The following CLCN3 variants were observed in gnomAD, a reference collection of about 807,000 sequenced individuals.
The protein encoded by CLCN3 is Cl-/H+ antiporter 3, also known as H(+)/Cl(-) exchange transporter 3.
In CLCN3, 16 loss-of-function variants were observed where a neutral mutation model predicts 83.4. The ratio of observed to expected loss-of-function variants is 0.19; its 90% CI spans 0.13 to 0.29. The LOEUF is 0.29. Ranked by LOEUF, CLCN3 falls within the 10% of genes least tolerant of loss-of-function variation. The probability of loss-of-function intolerance (pLI) is 1.00; values close to 1 mark genes in which losing one functional copy is unlikely to be tolerated. For missense variants in CLCN3, 544 were observed against 1,006.0 expected, an observed-to-expected ratio of 0.54 and a Z score of 6.21; for synonymous variants, 322 against 346.2, an observed-to-expected ratio of 0.93 and a Z score of 0.78.
intron 2 of CLCN3, among the ~76,000 whole-genome samples, chr4:169,640,974 C>G (rs535737496): frequency 6.6e-6 from 1 of 152,248 alleles, no homozygotes; most frequent in African/African-American, 2.4e-5. Context: ...GTTTACTTGA[C>G]AACATCAAGG....
chr4:169,650,746 AAT>A (rs1730708767), intron 2 of CLCN3, among the ~76,000 whole-genome samples: 4 of 152,210 alleles, frequency 2.6e-5, no homozygotes, highest in Non-Finnish European at 5.9e-5. Flanking sequence ...TCATGTTCTT[AAT>A]ACATTTGACA....
chr4:169,671,840 A>G (rs1354050773), intron 2 of CLCN3, among the ~76,000 whole-genome samples: 1 of 152,092 alleles, frequency 6.6e-6, no homozygotes, highest in African/African-American at 2.4e-5. Context: ...CAGCTCTACT[A>G]CTGTCTTCAC....
At chr4:169,664,353 T>C (rs1268748916) in intron 2 of CLCN3, among the ~76,000 whole-genome samples, 4 of 152,230 alleles carry the variant, frequency 2.6e-5, no homozygotes, top group Non-Finnish European at 4.4e-5. Flanking sequence ...GTTTCTATTA[T>C]AATAGAGGTT....
At chr4:169,676,650 A>ATTT (rs557077180) in intron 2 of CLCN3, among the ~76,000 whole-genome samples, 6 of 128,246 alleles carry the variant, frequency 4.7e-5, no homozygotes, top group South Asian at 2.5e-4. Context: ...CATGCCCAGC[A>ATTT]TTTTTTTTTT....
chr4:169,673,335 C>G (rs1035698679), intron 2 of CLCN3, among the ~76,000 whole-genome samples: 5 of 152,216 alleles, frequency 3.3e-5, no homozygotes, highest in African/African-American at 1.2e-4. Context: ...TTGAAAGTCA[C>G]TGAAAGCAAG....
intron 2 of CLCN3, among the ~76,000 whole-genome samples, chr4:169,669,431 G>A (rs1197538834): frequency 1.3e-5 from 2 of 152,164 alleles, no homozygotes; most frequent in South Asian, 2.1e-4. Flanking sequence ...TGAGGCTACA[G>A]TGAGCTATGT....
chr4:169,689,132 G>A lies in CLCN3; in HGVS notation c.508G>A (p.Glu170Lys), dbSNP rs771029683. The change falls in exon 5 of 13, where the codon GAA (glutamate) becomes AAA (lysine). Residue 170 changes from glutamate to lysine, a missense_variant. Physicochemically the swap from Glu to Lys is moderately conservative, Grantham distance 56 (BLOSUM62 1). This residue lies in a region of CLCN3 where 96 missense variants were observed against 202.1 expected (regional missense o/e 0.48). Coordinates refer to ENST00000513761, the MANE Select transcript of CLCN3 (RefSeq NM_001829.4). Reference sequence around the variant, plus strand: ...CCTTAGTGCGTTGTGGTACAACCACGAACAGTGCTGTTGGGGATCTAATGA... The same window carrying A: ...CCTTAGTGCGTTGTGGTACAACCACAAACAGTGCTGTTGGGGATCTAATGA... ...ICLSALWYNH[E>K]QCCWGSNETT... 7 of 1,613,722 alleles carry A rather than the reference G, an allele frequency of 4.3e-6. No individual in the cohort carries two copies. The highest frequency in any genetic ancestry group is 2.7e-5 in the African/African-American group (2 of 74,894).
intron 2 of CLCN3, chr4:169,660,300 A>C: frequency 7.5e-7 from 1 of 1,327,038 alleles, no homozygotes; most frequent in Non-Finnish European, 9.6e-7. Context: ...GATGGAAGAA[A>C]TGTCACTTTC....
chr4:169,719,805 C>G (rs1357704908), intron 12 of CLCN3, 102 bp from the exon 13 acceptor site: 10 of 835,292 alleles, frequency 1.2e-5, no homozygotes, highest in Non-Finnish European at 1.8e-5. Flanking sequence ...AGGCTGCTTG[C>G]TTTGCTCTAT....
At chr4:169,662,142 G>C (rs1226007900) in intron 2 of CLCN3, among the ~76,000 whole-genome samples, 2 of 152,054 alleles carry the variant, frequency 1.3e-5, no homozygotes, top group Non-Finnish European at 2.9e-5. Flanking sequence ...GTGAGAGTAG[G>C]CATGGTTACT....
intron 7 of CLCN3, among the ~76,000 whole-genome samples, chr4:169,693,972 A>G (rs1187079978): frequency 2.6e-5 from 4 of 152,152 alleles, no homozygotes; most frequent in Admixed American, 6.5e-5. Context: ...TTTAAATTAA[A>G]TGCTTCTTAG....
At chr4:169,679,630 T>C (rs1043200206) in intron 2 of CLCN3, among the ~76,000 whole-genome samples, 1 of 152,220 alleles carries the variant, frequency 6.6e-6, no homozygotes, top group African/African-American at 2.4e-5. Context: ...AGACTCCGTC[T>C]GCAATCCCGG....
At chr4:169,693,339 T>C (rs1286874699) in intron 7 of CLCN3, among the ~76,000 whole-genome samples, 2 of 152,346 alleles carry the variant, frequency 1.3e-5, no homozygotes, top group East Asian at 3.9e-4. Context: ...ATAACAAAAA[T>C]AGCTAGCATT....
chr4:169,620,953 T>G lies in CLCN3; in HGVS notation c.-127T>G, dbSNP rs888432099. On this transcript the variant is annotated 5_prime_UTR_variant, in exon 1 of 13. Transcript: ENST00000513761. Reference sequence around the variant, plus strand: ...CGCGATAGTTTTCGCTGTGTCAGGCTTTCTTCGGTGGAGCTCCGAGGGTAG... The same window carrying G: ...CGCGATAGTTTTCGCTGTGTCAGGCGTTCTTCGGTGGAGCTCCGAGGGTAG... The G allele has an allele frequency of 8.0e-5, 32 of 398,526 alleles. No individual in the cohort carries two copies. The highest frequency in any genetic ancestry group is 5.7e-4 in the African/African-American group (28 of 48,714). The allele number at this position is 398,526 out of a possible 1,614,324, so 24.7% of individuals were successfully genotyped here. A position where few individuals can be genotyped will look rare whatever the true frequency, so the allele number is the denominator to read the frequency against.
At position 169,668,043 on chromosome 4, in the gene CLCN3, ATTTTTT is replaced by A. The variant is rs60739106; in HGVS notation, c.161-11989_161-11984del. ...TGTGAGCCACCGCGCCCGGCCAGAC[ATTTTTT>A]TTTTTTTTTTTTTTTTTGCTGTCTT... is the stretch of plus-strand genomic sequence containing the variant. On this transcript the variant is annotated intron_variant, in intron 2 of 12. Coordinates refer to ENST00000513761, the MANE Select transcript of CLCN3 (RefSeq NM_001829.4). 2.9e-3 allele frequency among the ~76,000 whole-genome samples: 237 copies of A among 82,342 alleles called. 4 individuals carry two copies. In the East Asian group the frequency reaches 0.064, roughly 22 times the overall value. The allele number at this position is 82,342 out of a possible 152,430, so 54.0% of individuals were successfully genotyped here.
intron 5 of CLCN3, among the ~76,000 whole-genome samples, chr4:169,690,137 C>T (rs376710470): frequency 2.1e-4 from 23 of 110,440 alleles, no homozygotes; most frequent in South Asian, 2.8e-4. Context: ...TCTTTTCTTT[C>T]TTTTTTTTTT....
Position 169,644,066 on chromosome 4 carries a change from A to G in CLCN3, c.160+7978A>G, listed in dbSNP as rs1013017170. On this transcript the variant is annotated intron_variant, in intron 2 of 12. Coordinates refer to ENST00000513761, the MANE Select transcript of CLCN3 (RefSeq NM_001829.4). Reference sequence around the variant, plus strand: ...AGATAAGTGCTTTTCCTCAGGACGGAACATTGTACAACAGTATGAGCGAAA... The same window carrying G: ...AGATAAGTGCTTTTCCTCAGGACGGGACATTGTACAACAGTATGAGCGAAA... Among the ~76,000 whole-genome samples, 3 of 152,184 alleles carry G rather than the reference A, an allele frequency of 2.0e-5. No individual in the cohort carries two copies. The South Asian group carries it at 6.2e-4, about 32-fold the overall frequency.
At chr4:169,703,674 T>C (rs890272328) in intron 9 of CLCN3, among the ~76,000 whole-genome samples, 2 of 151,106 alleles carry the variant, frequency 1.3e-5, no homozygotes, top group African/African-American at 4.9e-5. Context: ...CTTTTTTTTT[T>C]CTTTTTTTTT....
intron 2 of CLCN3, among the ~76,000 whole-genome samples, chr4:169,668,017 G>C (rs1347087999): frequency 2.0e-5 from 3 of 147,766 alleles, no homozygotes; most frequent in Non-Finnish European, 4.4e-5. Context: ...GAGATTACAG[G>C]TGTGAGCCAC....
Sources: allele counts gnomAD v4.1 joint callset (sites outside exome capture counted in the v4.1 genomes callset), GRCh38; gene constraint gnomAD v4.1.1; regional missense constraint gnomAD v4.1.1; transcripts MANE v1.5; gene names NCBI Gene and HGNC (gene_info 2026-07-23, HGNC 2026-07-21).